MCTP2: variants seen among roughly 807,000 people sequenced by gnomAD.
MCTP2 encodes the protein multiple C2 and transmembrane domain-containing protein 2.
MCTP2 carries 132 observed loss-of-function variants against 111.6 expected under a neutral mutation model. That is an observed-to-expected ratio of 1.18 (90% CI 1.03 to 1.37). The LOEUF (loss-of-function observed/expected upper bound fraction) is 1.37, where lower values mean the gene tolerates loss of function less well. MCTP2 is among the 40% of genes most tolerant of loss of function. The pLI, the probability that MCTP2 is intolerant of heterozygous loss-of-function variation, is 0.00. For synonymous variants in MCTP2, 395 were observed against 387.7 expected (o/e 1.02, Z -0.22); for missense variants, 1,183 against 1,067.9 (o/e 1.11, Z -1.50).
At chr15:94,412,121 G>T (rs2152486104) in intron 17 of MCTP2, among the ~76,000 whole-genome samples, 3 of 152,284 alleles carry the variant, frequency 2.0e-5, no homozygotes, top group East Asian at 3.9e-4. Flanking sequence ...GAAGAAGAAA[G>T]CTGCAGGCTT....
intron 14 of MCTP2, 92 bp downstream of exon 14, chr15:94,385,617 G>C (rs1021445143): frequency 1.2e-6 from 1 of 868,974 alleles, no homozygotes; most frequent in Non-Finnish European, 1.9e-6. Flanking sequence ...GTCAACCTGG[G>C]GGAAAAAAAT....
chr15:94,250,271 T>A (rs1156252267), intron 1 of MCTP2, among the ~76,000 whole-genome samples: 1 of 152,204 alleles, frequency 6.6e-6, no homozygotes, highest in African/African-American at 2.4e-5. Flanking sequence ...TAAAAATATA[T>A]CACTTAATAT....
At chr15:94,329,505 A>G (rs1320233004) in intron 4 of MCTP2, among the ~76,000 whole-genome samples, 2 of 152,162 alleles carry the variant, frequency 1.3e-5, no homozygotes, top group Non-Finnish European at 2.9e-5. Context: ...AGCATGTCAC[A>G]TGGTCAGAGC....
intron 1 of MCTP2, among the ~76,000 whole-genome samples, chr15:94,287,478 T>A (rs186660356): frequency 6.6e-6 from 1 of 152,326 alleles, no homozygotes; most frequent in Admixed American, 6.5e-5. Context: ...CATATCTTTT[T>A]GTGTTTATAT....
chr15:94,470,231 AAAAAATTTCTATAATTATGAACATGAAAT>A, intron 20 of MCTP2, 73 bp from the exon 21 acceptor site: 1 of 935,832 alleles, frequency 1.1e-6, no homozygotes, highest in Admixed American at 2.3e-5. Context: ...TAGACTGTAA[AAAAAATTTCTATAATTATGAACATGAAAT>A]AAACATGACA....
intron 17 of MCTP2, among the ~76,000 whole-genome samples, chr15:94,410,201 A>AAC (rs950873902): frequency 7.9e-5 from 12 of 151,900 alleles, no homozygotes; most frequent in South Asian, 2.1e-4. Context: ...GCCTCGCTAA[A>AAC]ACACACACAC....
chr15:94,334,828 G>A (rs1161064598), intron 4 of MCTP2, among the ~76,000 whole-genome samples: 6 of 152,092 alleles, frequency 3.9e-5, no homozygotes, highest in East Asian at 1.9e-4. Flanking sequence ...GATTACAGGC[G>A]TGAGCCACTG....
At chr15:94,257,372 C>G (rs2072845345) in intron 1 of MCTP2, among the ~76,000 whole-genome samples, 1 of 151,820 alleles carries the variant, frequency 6.6e-6, no homozygotes, top group Admixed American at 6.6e-5. Context: ...AAGCAGATTC[C>G]TAGCATCCAT....
intron 2 of MCTP2, among the ~76,000 whole-genome samples, chr15:94,313,710 A>AG (rs1320661991): frequency 6.6e-6 from 1 of 150,990 alleles, no homozygotes; most frequent in African/African-American, 2.4e-5. Context: ...AAAAAAAAAA[A>AG]CAAACAAACA....
chr15:94,246,533 T>C (rs2072023444), intron 1 of MCTP2, among the ~76,000 whole-genome samples: 1 of 152,236 alleles, frequency 6.6e-6, no homozygotes, highest in African/African-American at 2.4e-5. Context: ...TTAACTTTAA[T>C]GCCATATAAT....
intron 17 of MCTP2, among the ~76,000 whole-genome samples, chr15:94,405,365 A>T (rs1013644638): frequency 2.6e-5 from 4 of 152,246 alleles, no homozygotes; most frequent in Admixed American, 2.0e-4. Flanking sequence ...TTAAGACTTT[A>T]TGAAAGCAAA....
chr15:94,354,241 G>T (rs2078479630), intron 8 of MCTP2, among the ~76,000 whole-genome samples: 1 of 152,144 alleles, frequency 6.6e-6, no homozygotes, highest in African/African-American at 2.4e-5. Context: ...ACCTATGTGT[G>T]TGTGTGTGTC....
chr15:94,351,244 C>G (rs1031855003), intron 8 of MCTP2, among the ~76,000 whole-genome samples: 2 of 151,972 alleles, frequency 1.3e-5, no homozygotes, highest in Non-Finnish European at 2.9e-5. Flanking sequence ...ATTTATGGGT[C>G]CAGTATCCTC....
chr15:94,440,240 T>C lies in MCTP2; in HGVS notation c.2150T>C (p.Phe717Ser). The C allele has an allele frequency of 6.2e-7, 1 of 1,614,160 alleles. No individual in the cohort carries two copies. Among genetic ancestry groups the C allele is most frequent in the Non-Finnish European group, 8.5e-7 (1 of 1,179,986 alleles). ...ATCCCCTTGGCATTGTTGCTGATCT[T>C]TGTCTACAATTTCATCAGACCTGTG... ...YMIPLALLLI[F>S]VYNFIRPVKG... The change falls in exon 18 of 23, where the codon TTT becomes TCT. Residue 717 changes from phenylalanine (F) to serine (S), a missense_variant. By Grantham distance (155) the Phe-to-Ser change is radical (BLOSUM62 -2). Coordinates refer to ENST00000357742, the MANE Select transcript of MCTP2 (RefSeq NM_001385001.1).
rs183317846 is a variant in MCTP2 at position 94,319,861 on chromosome 15, A to G, written c.637+4224A>G. ...ACTATAACATGTTTTTGGCTTATCT[A>G]TGCATTTACAATATTTAGTCTTTAT... On this transcript the variant is annotated intron_variant, in intron 4 of 22. Coordinates refer to ENST00000357742, the MANE Select transcript of MCTP2 (RefSeq NM_001385001.1). 3.9e-5 allele frequency among the ~76,000 whole-genome samples: 6 copies of G among 152,338 alleles called. No individual in the cohort carries two copies. In the East Asian group the frequency reaches 1.2e-3, roughly 29 times the overall value.
rs1188694474 is a variant in MCTP2, at chr15:94,367,772, A to G, written c.1469A>G (p.Lys490Arg). The change falls in exon 11 of 23, where the codon AAG becomes AGG. Residue 490 changes from lysine to arginine, a missense_variant. Lys to Arg is a conservative substitution (Grantham distance 26, BLOSUM62 2). Coordinates refer to ENST00000357742, the MANE Select transcript of MCTP2 (RefSeq NM_001385001.1). Reference sequence around the variant, plus strand: ...CCCTTAGCAGACCTCAGCGAAAGAAAGCAGATTACCCAGCGATATGTGAGT... The same window carrying G: ...CCCTTAGCAGACCTCAGCGAAAGAAGGCAGATTACCCAGCGATATGTGAGT... ...VCPLADLSER[K>R]QITQRYCLQN... 6.2e-7 allele frequency: 1 copy of G among 1,603,132 alleles called. No individual in the cohort carries two copies. Among genetic ancestry groups the G allele is most frequent in the Admixed American group, 1.7e-5 (1 of 58,274 alleles).
intron 17 of MCTP2, among the ~76,000 whole-genome samples, chr15:94,425,967 CT>C (rs923096546): frequency 1.3e-5 from 2 of 151,894 alleles, no homozygotes; most frequent in African/African-American, 4.8e-5. Flanking sequence ...CAAACTGTTT[CT>C]TTTTTTTCTT....
In MCTP2 at chr15:94,312,546, C is replaced by G. The variant is rs2076193489; in HGVS notation, c.466-1736C>G. Among the ~76,000 whole-genome samples, 3 of 152,270 alleles carry G rather than the reference C, an allele frequency of 2.0e-5. No individual in the cohort carries two copies. The South Asian group carries it at 6.2e-4, about 32-fold the overall frequency. On this transcript the variant is annotated intron_variant, in intron 2 of 22. Transcript: ENST00000357742. ...GCATATAGTGGCTATAGTGCCAGGG[C>G]CCTAGAAAAAGCTTGTGTCTGAAAT...
chr15:94,391,293 C>T (rs1266922323), intron 14 of MCTP2, among the ~76,000 whole-genome samples: 1 of 152,086 alleles, frequency 6.6e-6, no homozygotes, highest in East Asian at 1.9e-4. Context: ...CTCTATTGCC[C>T]AAGTTTCACC....
Sources: gnomAD v4.1 joint callset for allele counts (sites outside exome capture counted in the v4.1 genomes callset) on GRCh38, gnomAD v4.1.1 for gene constraint, MANE v1.5 for transcripts, NCBI Gene and HGNC (gene_info 2026-07-23, HGNC 2026-07-21) for gene names.